Variants in GALNT13 observed in about 807,000 individuals in gnomAD.
GALNT13 encodes UDP-GalNAc:polypeptide N-acetylgalactosaminyltransferase 13.
A neutral mutation model predicts 64.2 loss-of-function variants in GALNT13; 28 were observed. That is an observed-to-expected ratio of 0.44 (90% CI 0.32 to 0.60). The LOEUF is 0.60. Ranked by LOEUF, GALNT13 falls within the 20% of genes least tolerant of loss-of-function variation. The pLI is 0.05. For missense variants in GALNT13, 577 were observed against 669.8 expected, an observed-to-expected ratio of 0.86 and a Z score of 1.53; for synonymous variants, 214 against 224.6, an observed-to-expected ratio of 0.95 and a Z score of 0.42.
chr2:154,415,918 A>G (rs1396924739), intron 11 of GALNT13, among the ~76,000 whole-genome samples: 2 of 152,150 alleles, frequency 1.3e-5, no homozygotes, highest in Non-Finnish European at 2.9e-5. Flanking sequence ...GGGATTTCAC[A>G]GAGTAAATTT....
At chr2:154,174,819 A>G (rs1685560241) in intron 4 of GALNT13, among the ~76,000 whole-genome samples, 1 of 152,128 alleles carries the variant, frequency 6.6e-6, no homozygotes, top group African/African-American at 2.4e-5. Flanking sequence ...ATTGATGACT[A>G]CAATAGAATA....
intron 3 of GALNT13, among the ~76,000 whole-genome samples, chr2:154,062,463 T>C (rs1376940481): frequency 2.6e-5 from 4 of 152,192 alleles, no homozygotes; most frequent in Non-Finnish European, 2.9e-5. Flanking sequence ...GACTGGATAA[T>C]TGACTCACAG....
chr2:153,302,614 C>T, the GALNT13 span, among the ~76,000 whole-genome samples: 2 of 151,976 alleles, frequency 1.3e-5, no homozygotes, highest in African/African-American at 4.8e-5. Flanking sequence ...AGTTCATATG[C>T]AGAAAAGTAA....
intron 9 of GALNT13, among the ~76,000 whole-genome samples, chr2:154,339,232 A>G (rs1486303747): frequency 6.6e-6 from 1 of 152,144 alleles, no homozygotes; most frequent in Non-Finnish European, 1.5e-5. Flanking sequence ...AGTAACTAAT[A>G]TGCAGTTGGT....
chr2:153,592,696 G>C, the GALNT13 span, among the ~76,000 whole-genome samples: 1 of 152,152 alleles, frequency 6.6e-6, no homozygotes, highest in Non-Finnish European at 1.5e-5. Flanking sequence ...AGGACCCACA[G>C]ACCCTCTGAA....
At chr2:153,897,487 G>C (rs1294668880) in intron 1 of GALNT13, among the ~76,000 whole-genome samples, 1 of 152,066 alleles carries the variant, frequency 6.6e-6, no homozygotes, top group Non-Finnish European at 1.5e-5. Flanking sequence ...GATTATTGAT[G>C]ATGTTGTCTT....
chr2:153,404,229 A>G, the GALNT13 span, among the ~76,000 whole-genome samples: 1 of 152,196 alleles, frequency 6.6e-6, no homozygotes, highest in African/African-American at 2.4e-5. Context: ...TTTTTCCTGA[A>G]CAAAGACACG....
chr2:153,749,634 G>A, the GALNT13 span, among the ~76,000 whole-genome samples: 1 of 151,692 alleles, frequency 6.6e-6, no homozygotes, highest in African/African-American at 2.4e-5. Flanking sequence ...TTCTTTTTCA[G>A]ATTGTTCACT....
the GALNT13 span, among the ~76,000 whole-genome samples, chr2:153,490,852 T>G: frequency 9.6e-4 from 145 of 151,124 alleles, no homozygotes; most frequent in African/African-American, 3.3e-3. Context: ...CCCAGCTACT[T>G]GAGAGGCTGA....
At position 154,242,202 on chromosome 2, in the gene GALNT13, A is replaced by G. The variant is rs776049540; in HGVS notation, c.478+6A>G. 3 of 1,604,066 alleles carry G rather than the reference A, an allele frequency of 1.9e-6. No individual in the cohort carries two copies. Among genetic ancestry groups the G allele is most frequent in the Non-Finnish European group, 2.5e-6 (3 of 1,177,184 alleles). ...AGATGATGCCAGTGAAAGAGGTACA[A>G]ACTGGTTTTTTGTTTTTGTTTTTGT... On this transcript the variant is annotated splice_donor_region_variant and intron_variant, in intron 5 of 12. Transcript: ENST00000392825.
At chr2:154,412,983 T>C (rs1699858411) in intron 11 of GALNT13, among the ~76,000 whole-genome samples, 1 of 151,908 alleles carries the variant, frequency 6.6e-6, no homozygotes, top group Non-Finnish European at 1.5e-5. Flanking sequence ...ATATAAACTT[T>C]TACAAGTGAA....
the GALNT13 span, among the ~76,000 whole-genome samples, chr2:153,554,020 G>A: frequency 1.2e-3 from 178 of 152,254 alleles, no homozygotes; most frequent in African/African-American, 4.0e-3. Context: ...TGGGATACAG[G>A]AATAAAGATA....
At chr2:153,310,756 A>T in the GALNT13 span, among the ~76,000 whole-genome samples, 2 of 152,126 alleles carry the variant, frequency 1.3e-5, no homozygotes, top group African/African-American at 4.8e-5. Context: ...AAAGTTACAG[A>T]TGGATTTTGA....
At chr2:154,072,984 C>A (rs1177849717) in intron 3 of GALNT13, among the ~76,000 whole-genome samples, 1 of 151,910 alleles carries the variant, frequency 6.6e-6, no homozygotes, top group Non-Finnish European at 1.5e-5. Context: ...TCCCTTAAAC[C>A]CTTTCTGAAG....
chr2:153,280,281 A>G, the GALNT13 span, among the ~76,000 whole-genome samples: 1 of 151,938 alleles, frequency 6.6e-6, no homozygotes, highest in East Asian at 1.9e-4. Context: ...CTAGCTAGTG[A>G]TTTATAGATT....
At chr2:153,487,759 T>G in the GALNT13 span, among the ~76,000 whole-genome samples, 1 of 152,184 alleles carries the variant, frequency 6.6e-6, no homozygotes, top group Admixed American at 6.5e-5. Flanking sequence ...GCATTTTACT[T>G]TTGTGCATGC....
chr2:153,717,169 T>G, the GALNT13 span, among the ~76,000 whole-genome samples: 3 of 152,292 alleles, frequency 2.0e-5, no homozygotes, highest in African/African-American at 7.2e-5. Flanking sequence ...CCAATGAACA[T>G]CTCAAAATAA....
intron 3 of GALNT13, among the ~76,000 whole-genome samples, chr2:154,067,445 A>G (rs556119695): frequency 7.2e-5 from 11 of 152,182 alleles, no homozygotes; most frequent in Admixed American, 2.0e-4. Context: ...TAAAAAAATG[A>G]CATTCCATGC....
rs577899272 is a variant in GALNT13, at chr2:154,295,824, T to C, written c.976-5585T>C. Among the ~76,000 whole-genome samples, 6 of 151,972 alleles carry C rather than the reference T, an allele frequency of 3.9e-5. No homozygotes were observed. The South Asian group carries it at 8.3e-4, about 21-fold the overall frequency. On this transcript the variant is annotated intron_variant, in intron 8 of 12. Transcript: ENST00000392825. ...GGGTTGCCTTCCCCAATGGGTAGGGTGAAATGGGAAGGCTAGAAAAACGGC... is the reference window on the plus strand; with the variant it reads ...GGGTTGCCTTCCCCAATGGGTAGGGCGAAATGGGAAGGCTAGAAAAACGGC...
Sources: gnomAD v4.1 joint callset for allele counts (sites outside exome capture counted in the v4.1 genomes callset) on GRCh38, gnomAD v4.1.1 for gene constraint, MANE v1.5 for transcripts, NCBI Gene and HGNC (gene_info 2026-07-23, HGNC 2026-07-21) for gene names.